Variants in PRKAA1 observed in about 807,000 individuals in gnomAD.
The protein encoded by PRKAA1 is protein kinase AMP-activated catalytic subunit alpha 1.
PRKAA1 carries 23 observed loss-of-function variants against 56.9 expected under a neutral mutation model. The observed-to-expected ratio is 0.40, with a 90% CI of 0.29 to 0.57. PRKAA1 has a LOEUF of 0.57. Ranked by LOEUF, PRKAA1 falls within the 20% of genes least tolerant of loss-of-function variation. PRKAA1 has a pLI of 0.39. For synonymous variants in PRKAA1, 226 were observed against 227.0 expected, an observed-to-expected ratio of 1.00 and a Z score of 0.04; for missense variants, 413 against 679.7, an observed-to-expected ratio of 0.61 and a Z score of 4.36.
At position 40,784,115 on chromosome 5, in the gene PRKAA1, T is replaced by C. The variant is rs185041239; in HGVS notation, c.128-6529A>G. ...ATATAGCAAGTGATTGATAAATAAA[T>C]GGTAGCCTTTATTATTTAGGGTTAT... is the stretch of plus-strand genomic sequence containing the variant. On this transcript the variant is annotated intron_variant, in intron 1 of 8. Transcript: ENST00000397128. Among the ~76,000 whole-genome samples the C allele has an allele frequency of 2.1e-4, 32 of 152,306 alleles. No individual in the cohort carries two copies. The East Asian group carries it at 5.8e-3, about 28-fold the overall frequency.
chr5:40,790,489 T>C (rs981809654), intron 1 of PRKAA1, among the ~76,000 whole-genome samples: 1 of 151,294 alleles, frequency 6.6e-6, no homozygotes, highest in African/African-American at 2.4e-5. Flanking sequence ...TGAATTTGTA[T>C]CCCAGCCTTC....
At chr5:40,793,371 A>T (rs941741175) in intron 1 of PRKAA1, among the ~76,000 whole-genome samples, 3 of 152,194 alleles carry the variant, frequency 2.0e-5, no homozygotes, top group Non-Finnish European at 2.9e-5. Flanking sequence ...TTTTCTGTAA[A>T]CTTTCCTCTC....
In PRKAA1 at chr5:40,760,009, G is replaced by A. The variant is rs1434270032; in HGVS notation, c.*2769C>T. The stretch of plus-strand genomic sequence containing the variant: ...AAACTATGTATACAGTACATTTCTG[G>A]CAAAAAACCTTATACATCTTTCAGT... On this transcript the variant is annotated 3_prime_UTR_variant, in exon 9 of 9. Coordinates refer to ENST00000397128, the MANE Select transcript of PRKAA1 (RefSeq NM_006251.6). 5 of 152,418 alleles carry A rather than the reference G, an allele frequency of 3.3e-5. No homozygotes were observed. Among genetic ancestry groups the A allele is most frequent in the African/African-American group, 9.7e-5 (4 of 41,314 alleles). The allele number at this position is 152,418 out of a possible 1,614,324, so 9.4% of individuals were successfully genotyped here.
rs1321482842 is a variant in PRKAA1 at position 40,764,858 on chromosome 5, C to T, written c.1202G>A (p.Gly401Asp). Residue 401 changes from glycine (G) to aspartate (D), a missense_variant, in exon 7 of 9, where the codon GGT (glycine) becomes GAT (aspartate). Physicochemically the swap from Gly to Asp is moderately conservative, Grantham distance 94. This residue lies in a region of PRKAA1 where 50 missense variants were observed against 87.7 expected (regional missense o/e 0.57). Transcript: ENST00000397128. ...ELNPQKSKHQ[G>D]VRKAKWHLGI... ...TAAATGCCATTTTGCTTTCCTTACA[C>T]CTTGGTGTTTGGATTTCTGTGGATT... 6.2e-7 allele frequency: 1 copy of T among 1,614,148 alleles called. No homozygotes were observed. The highest frequency in any genetic ancestry group is 8.5e-7 in the Non-Finnish European group (1 of 1,180,020).
chr5:40,775,606 G>A (rs1743965691), intron 2 of PRKAA1, 103 bp from the exon 3 acceptor site: 1 of 920,292 alleles, frequency 1.1e-6, no homozygotes, highest in Admixed American at 2.8e-5. Context: ...TAGGCTAGGA[G>A]CTAGAAAAAC....
At chr5:40,779,231 CAATCCCAAATGCCAT>C (rs79981640) in intron 1 of PRKAA1, among the ~76,000 whole-genome samples, 17,000 of 151,874 alleles carry the variant, frequency 0.11, 1,305 homozygotes, top group Non-Finnish European at 0.17. Flanking sequence ...CCAAAAGACA[CAATCCCAAATGCCAT>C]AATCCCAAAT....
In PRKAA1 at chr5:40,798,312, C is replaced by A; in HGVS notation, c.-123G>T. ...CCGCCCTGCGCCGCCAGCCCAGGCC[C>A]CGCAGCCTACGTCGGGCGCAGACGC... is the stretch of plus-strand genomic sequence containing the variant. On this transcript the variant is annotated 5_prime_UTR_variant, in exon 1 of 9. Transcript: ENST00000397128. 1.9e-6 allele frequency: 1 copy of A among 521,680 alleles called. No individual in the cohort carries two copies. The highest frequency in any genetic ancestry group is 2.9e-6 in the Non-Finnish European group (1 of 346,542). 32.3% of individuals were successfully genotyped at this position (521,680 alleles called of 1,614,324 possible).
rs1394354398 is a variant in PRKAA1, at chr5:40,759,787, C to A, written c.*2991G>T. 6.6e-6 allele frequency: 1 copy of A among 152,194 alleles called. No individual in the cohort carries two copies. Among genetic ancestry groups the A allele is most frequent in the African/African-American group, 2.4e-5 (1 of 41,418 alleles). 9.4% of individuals were successfully genotyped at this position (152,194 alleles called of 1,614,324 possible). On this transcript the variant is annotated 3_prime_UTR_variant, in exon 9 of 9. Transcript: ENST00000397128. ...GGATTTTGTATAAAATCATCTAAAA[C>A]TCTGAAAAACTACAAAAGCATCTCA...
At position 40,761,778 on chromosome 5, in the gene PRKAA1, T is replaced by A. The variant is rs1228702067; in HGVS notation, c.*1000A>T. 6.6e-6 allele frequency: 1 copy of A among 152,370 alleles called. No individual in the cohort carries two copies. The highest frequency in any genetic ancestry group is 1.5e-5 in the Non-Finnish European group (1 of 68,044). 9.4% of individuals were successfully genotyped at this position (152,370 alleles called of 1,614,324 possible). A position where few individuals can be genotyped will look rare whatever the true frequency, so the allele number is the denominator to read the frequency against. On this transcript the variant is annotated 3_prime_UTR_variant, in exon 9 of 9. Transcript: ENST00000397128. Reference sequence around the variant, plus strand: ...TGAAATTGGCAAAAATAATATGATTTATCTACAGTATATGCAACTCAGCTC... The same window carrying A: ...TGAAATTGGCAAAAATAATATGATTAATCTACAGTATATGCAACTCAGCTC...
chr5:40,764,254 A>G, intron 8 of PRKAA1: 1 of 250,534 alleles, frequency 4.0e-6, no homozygotes, highest in Non-Finnish European at 7.5e-6. Context: ...ATGCAGCAGA[A>G]AACTATCACC....
chr5:40,789,755 A>G (rs951685391), intron 1 of PRKAA1, among the ~76,000 whole-genome samples: 2 of 152,196 alleles, frequency 1.3e-5, no homozygotes, highest in Non-Finnish European at 2.9e-5. Flanking sequence ...TTAATTTTTC[A>G]AAAGAGTTAA....
chr5:40,777,099 G>A (rs530512990), intron 2 of PRKAA1: 3 of 161,984 alleles, frequency 1.9e-5, no homozygotes, highest in Non-Finnish European at 4.0e-5. Flanking sequence ...TGCAACCTCC[G>A]CCTCCCAGGT....
chr5:40,783,529 G>C (rs1744349321), intron 1 of PRKAA1, among the ~76,000 whole-genome samples: 1 of 152,142 alleles, frequency 6.6e-6, no homozygotes, highest in African/African-American at 2.4e-5. Context: ...AGGACGAGGT[G>C]GGTGGATCAC....
chr5:40,784,265 G>A (rs916004798), intron 1 of PRKAA1, among the ~76,000 whole-genome samples: 4 of 152,164 alleles, frequency 2.6e-5, no homozygotes, highest in Admixed American at 6.5e-5. Context: ...CCATGTAGAT[G>A]CAATAGCATT....
intron 5 of PRKAA1, 30 bp from the exon 6 acceptor site, chr5:40,767,720 G>C: frequency 6.6e-7 from 1 of 1,524,904 alleles, no homozygotes; most frequent in South Asian, 1.2e-5. Flanking sequence ...TTGGATTAAA[G>C]AATCATTTTA....
At position 40,759,962 on chromosome 5, in the gene PRKAA1, T is replaced by G. The variant is rs1039697438; in HGVS notation, c.*2816A>C. ...ATTTTAATGGCAAAATTTTTACATA[T>G]CAGTAAAATCTGTTATACTTAAAAC... On this transcript the variant is annotated 3_prime_UTR_variant, in exon 9 of 9. Transcript: ENST00000397128. 1 of 152,762 alleles carries G rather than the reference T, an allele frequency of 6.5e-6. No individual in the cohort carries two copies. Among genetic ancestry groups the G allele is most frequent in the African/African-American group, 2.4e-5 (1 of 41,462 alleles). The allele number at this position is 152,762 out of a possible 1,614,324, so 9.5% of individuals were successfully genotyped here.
intron 1 of PRKAA1, among the ~76,000 whole-genome samples, chr5:40,781,529 G>C (rs972776871): frequency 1.3e-5 from 2 of 152,122 alleles, no homozygotes; most frequent in Non-Finnish European, 2.9e-5. Flanking sequence ...AATCCAGACA[G>C]GAATGTGACA....
chr5:40,768,466 G>T, intron 5 of PRKAA1: 1 of 926,068 alleles, frequency 1.1e-6, no homozygotes, highest in Non-Finnish European at 1.3e-6. Context: ...ATTCCTAAAA[G>T]AATTAAGATA....
chr5:40,774,559 T>C (rs1231967929), intron 3 of PRKAA1, among the ~76,000 whole-genome samples: 50 of 149,848 alleles, frequency 3.3e-4, no homozygotes, highest in African/African-American at 7.6e-4. Flanking sequence ...ATTTTTTTTT[T>C]TTTTTTTTTT....
Sources: gnomAD v4.1 joint callset for allele counts (sites outside exome capture counted in the v4.1 genomes callset) on GRCh38, gnomAD v4.1.1 for gene constraint, gnomAD v4.1.1 regional missense constraint, MANE v1.5 for transcripts, NCBI Gene and HGNC (gene_info 2026-07-23, HGNC 2026-07-21) for gene names.